ROBO1: variants seen among roughly 807,000 people sequenced by gnomAD.
The protein encoded by ROBO1 is roundabout homolog 1.
In ROBO1, 149 loss-of-function variants were observed where a neutral mutation model predicts 195.9. The observed-to-expected ratio is 0.76, with a 90% CI of 0.67 to 0.87. The LOEUF is 0.87. Among genes scored for constraint, ROBO1 ranks in the 40% least tolerant of loss-of-function variants. The pLI, the probability that ROBO1 is intolerant of heterozygous loss-of-function variation, is 0.00. For synonymous variants in ROBO1, 816 were observed against 733.2 expected (o/e 1.11, Z -1.82); for missense variants, 1,933 against 2,068.3 (o/e 0.93, Z 1.27).
rs551279240 is a variant in ROBO1 at position 79,330,778 on chromosome 3, G to A, written c.89-205239C>T. 2.7e-5 allele frequency among the ~76,000 whole-genome samples: 4 copies of A among 150,256 alleles called. No homozygotes were observed. The South Asian group carries it at 8.6e-4, about 32-fold the overall frequency. Reference sequence around the variant, plus strand: ...GTCATTGGAAATAAGACATTTTGTAGTTAAAGGGACTGGCCTTATAGTTTG... The same window carrying A: ...GTCATTGGAAATAAGACATTTTGTAATTAAAGGGACTGGCCTTATAGTTTG... On this transcript the variant is annotated intron_variant, in intron 2 of 30. Coordinates refer to ENST00000464233, the MANE Select transcript of ROBO1 (RefSeq NM_002941.4).
intron 2 of ROBO1, among the ~76,000 whole-genome samples, chr3:79,248,763 T>C (rs1201079777): frequency 6.6e-6 from 1 of 152,042 alleles, no homozygotes; most frequent in Non-Finnish European, 1.5e-5. Flanking sequence ...ATTTAAGCAG[T>C]GTTTTGGAGA....
intron 2 of ROBO1, among the ~76,000 whole-genome samples, chr3:79,300,247 C>T (rs1026366811): frequency 6.6e-6 from 1 of 152,200 alleles, no homozygotes; most frequent in Admixed American, 6.5e-5. Context: ...ACTGCGGCTG[C>T]GCTCGGCGCT....
intron 1 of ROBO1, among the ~76,000 whole-genome samples, chr3:79,738,042 G>A (rs1403577473): frequency 5.9e-5 from 9 of 152,190 alleles, no homozygotes; most frequent in African/African-American, 2.2e-4. Context: ...CTTCAAATAA[G>A]CCAGAGGGTA....
At position 79,588,960 on chromosome 3, in the gene ROBO1, T is replaced by A. The variant is rs1017643247; in HGVS notation, c.88+864A>T. Reference sequence around the variant, plus strand: ...TTTGAAATCTTTGATTTTGTGTGGATGAACATGACAAGTTACATATAGTTG... The same window carrying A: ...TTTGAAATCTTTGATTTTGTGTGGAAGAACATGACAAGTTACATATAGTTG... On this transcript the variant is annotated intron_variant, in intron 2 of 30. Transcript: ENST00000464233. 1.3e-5 allele frequency among the ~76,000 whole-genome samples: 2 copies of A among 151,678 alleles called. 1 individual carries two copies. Among genetic ancestry groups the A allele is most frequent in the South Asian group, 4.1e-4 (2 of 4,832 alleles).
chr3:78,685,887 A>C lies in ROBO1; in HGVS notation c.1201T>G (p.Ser401Ala). Residue 401 changes from serine to alanine, a missense_variant, in exon 10 of 31, where the codon TCA (serine) becomes GCA (alanine). Transcript: ENST00000464233. ...NLLFSYQPPQ[S>A]SSRFSVSQTG... ...TGGGAGACTGAAAATCGGCTGGATG[A>C]CTGTGGTGGTTGATATGAGAAAAGT... is the stretch of plus-strand genomic sequence containing the variant. 6.2e-7 allele frequency: 1 copy of C among 1,603,598 alleles called. No homozygotes were observed. Among genetic ancestry groups the C allele is most frequent in the Non-Finnish European group, 8.5e-7 (1 of 1,173,810 alleles).
At chr3:78,723,678 G>C (rs1022697306) in intron 5 of ROBO1, among the ~76,000 whole-genome samples, 2 of 151,960 alleles carry the variant, frequency 1.3e-5, no homozygotes, top group African/African-American at 2.4e-5. Flanking sequence ...AAGGGTGTGT[G>C]GGGGGCGATG....
chr3:79,223,647 A>G (rs1576836857), intron 2 of ROBO1, among the ~76,000 whole-genome samples: 2 of 152,194 alleles, frequency 1.3e-5, no homozygotes, highest in Non-Finnish European at 2.9e-5. Flanking sequence ...CAGGCATCCT[A>G]TTGATTCATA....
chr3:79,486,593 T>C (rs2107420575), intron 2 of ROBO1, among the ~76,000 whole-genome samples: 1 of 152,314 alleles, frequency 6.6e-6, no homozygotes, highest in Admixed American at 6.5e-5. Context: ...AGAATATCTC[T>C]TTATTCTAAA....
At chr3:79,703,271 A>C (rs879514105) in intron 1 of ROBO1, among the ~76,000 whole-genome samples, 15 of 151,798 alleles carry the variant, frequency 9.9e-5, no homozygotes, top group Non-Finnish European at 2.2e-4. Flanking sequence ...CATTTTTTAG[A>C]ACAGAATACA....
chr3:78,700,371 T>A (rs1451234458), intron 8 of ROBO1, among the ~76,000 whole-genome samples: 1 of 152,202 alleles, frequency 6.6e-6, no homozygotes, highest in East Asian at 1.9e-4. Flanking sequence ...TGCTCAAGAA[T>A]TGGTTTATCT....
intron 2 of ROBO1, among the ~76,000 whole-genome samples, chr3:79,543,635 T>G (rs1394502828): frequency 6.6e-6 from 1 of 152,138 alleles, no homozygotes; most frequent in Non-Finnish European, 1.5e-5. Context: ...AAATCTGAAC[T>G]TAATCCATAC....
intron 2 of ROBO1, among the ~76,000 whole-genome samples, chr3:79,310,329 G>A (rs981893529): frequency 2.0e-5 from 3 of 152,144 alleles, no homozygotes; most frequent in African/African-American, 7.2e-5. Flanking sequence ...GCAAGAAAGT[G>A]TGCGCCCTCA....
chr3:78,677,818 G>A (rs1331717333), intron 10 of ROBO1, among the ~76,000 whole-genome samples: 2 of 152,080 alleles, frequency 1.3e-5, no homozygotes, highest in Admixed American at 6.5e-5. Context: ...TCTGCACCAA[G>A]CGGACCTAAT....
intron 3 of ROBO1, among the ~76,000 whole-genome samples, chr3:79,081,945 C>T (rs1279807165): frequency 1.3e-5 from 2 of 151,976 alleles, no homozygotes; most frequent in African/African-American, 2.4e-5. Context: ...GTCTTTTAGC[C>T]AAGACTATTT....
chr3:79,256,637 GA>G (rs2082839226), intron 2 of ROBO1, among the ~76,000 whole-genome samples: 2 of 152,150 alleles, frequency 1.3e-5, no homozygotes, highest in South Asian at 4.2e-4. Flanking sequence ...CTGTCATCAA[GA>G]TATTTGATGA....
At chr3:79,300,319 C>CGCCGGCCCT (rs1342168304) in intron 2 of ROBO1, among the ~76,000 whole-genome samples, 10 of 152,320 alleles carry the variant, frequency 6.6e-5, no homozygotes, top group African/African-American at 2.2e-4. Flanking sequence ...TGGAGCAGCC[C>CGCCGGCCCT]GCCGGCCCTG....
At chr3:78,743,328 C>A (rs1288331831) in intron 5 of ROBO1, among the ~76,000 whole-genome samples, 3 of 152,020 alleles carry the variant, frequency 2.0e-5, no homozygotes, top group Non-Finnish European at 1.5e-5. Context: ...ATTCTTAATC[C>A]TCATCATTAC....
intron 5 of ROBO1, among the ~76,000 whole-genome samples, chr3:78,734,707 T>C (rs937500930): frequency 6.6e-6 from 1 of 151,966 alleles, no homozygotes; most frequent in Non-Finnish European, 1.5e-5. Flanking sequence ...CATGTCAACA[T>C]GGCATGATAT....
At chr3:79,049,635 G>A (rs2078658689) in intron 3 of ROBO1, among the ~76,000 whole-genome samples, 1 of 152,084 alleles carries the variant, frequency 6.6e-6, no homozygotes, top group African/African-American at 2.4e-5. Context: ...AAAATGTTAA[G>A]GGCAGCCAGA....
Sources: allele counts gnomAD v4.1 joint callset (sites outside exome capture counted in the v4.1 genomes callset), GRCh38; gene constraint gnomAD v4.1.1; transcripts MANE v1.5; gene names NCBI Gene and HGNC (gene_info 2026-07-23, HGNC 2026-07-21).